PRELID2: variants seen among roughly 807,000 people sequenced by gnomAD.
The protein encoded by PRELID2 is PRELI domain-containing protein 2.
A neutral mutation model predicts 28.4 loss-of-function variants in PRELID2; 25 were observed. The observed-to-expected ratio is 0.88, with a 90% CI of 0.64 to 1.23. The LOEUF (loss-of-function observed/expected upper bound fraction) is 1.23, where lower values mean the gene tolerates loss of function less well. PRELID2 is among the 50% of genes most tolerant of loss of function. The pLI is 0.00. For missense variants in PRELID2, 201 were observed against 214.4 expected (o/e 0.94, Z 0.39); for synonymous variants, 76 against 71.6 (o/e 1.06, Z -0.31).
At chr5:145,489,108 A>T (rs1752246216) in intron 1 of PRELID2, among the ~76,000 whole-genome samples, 1 of 152,188 alleles carries the variant, frequency 6.6e-6, no homozygotes. Flanking sequence ...TGATGGCATC[A>T]TTCCCCCAGA....
the PRELID2 span, among the ~76,000 whole-genome samples, chr5:145,447,085 A>AT: frequency 2.6e-3 from 394 of 151,114 alleles, no homozygotes; most frequent in African/African-American, 7.2e-3. Flanking sequence ...AAATAAATAA[A>AT]AATTTAAAAA....
In PRELID2 at chr5:145,774,813, G is replaced by T. The variant is rs115721864; in HGVS notation, c.475-9813C>A. On this transcript the variant is annotated intron_variant, in intron 5 of 6. Coordinates refer to ENST00000683046, the MANE Select transcript of PRELID2 (RefSeq NM_205846.3). ...AGAACTAATTAGCAAGCAAGCTAAG[G>T]CCTCTATCTACTAGTCTGTGCTGAG... Among the ~76,000 whole-genome samples the T allele has an allele frequency of 7.7e-3, 1,170 of 152,292 alleles. 6 individuals are homozygous for T. The highest frequency in any genetic ancestry group is 0.012 in the Non-Finnish European group (845 of 68,026).
the PRELID2 span, among the ~76,000 whole-genome samples, chr5:145,330,579 T>G: frequency 6.6e-6 from 1 of 152,124 alleles, no homozygotes; most frequent in Non-Finnish European, 1.5e-5. Context: ...TTACAATATT[T>G]TCTGATGGTA....
At chr5:145,380,211 C>T in the PRELID2 span, among the ~76,000 whole-genome samples, 2 of 152,282 alleles carry the variant, frequency 1.3e-5, no homozygotes, top group African/African-American at 2.4e-5. Flanking sequence ...GTGGGTTGCT[C>T]CTTGCCAGTT....
chr5:145,492,063 T>C (rs1274389298), intron 1 of PRELID2, among the ~76,000 whole-genome samples: 2 of 152,204 alleles, frequency 1.3e-5, no homozygotes, highest in African/African-American at 2.4e-5. Context: ...AGTAGTGGAA[T>C]TGCTGGATCT....
the PRELID2 span, among the ~76,000 whole-genome samples, chr5:145,456,685 C>T: frequency 9.9e-3 from 1,510 of 152,162 alleles, 13 homozygotes; most frequent in African/African-American, 0.021. Context: ...TGCTAATAGA[C>T]GCACAGTATT....
intron 1 of PRELID2, among the ~76,000 whole-genome samples, chr5:145,603,872 G>A (rs1054022387): frequency 6.6e-6 from 1 of 151,838 alleles, no homozygotes. Context: ...TAAAAAATTA[G>A]ACAAAGACTA....
the PRELID2 span, among the ~76,000 whole-genome samples, chr5:145,324,743 A>G: frequency 6.6e-6 from 1 of 152,290 alleles, no homozygotes; most frequent in East Asian, 1.9e-4. Flanking sequence ...TTCAATCCCA[A>G]ATCAACCTTG....
chr5:145,484,620 G>A (rs1452844686), intron 1 of PRELID2, among the ~76,000 whole-genome samples: 1 of 152,122 alleles, frequency 6.6e-6, no homozygotes, highest in East Asian at 1.9e-4. Flanking sequence ...GATCTTAAAA[G>A]GCAAGGACAC....
chr5:145,279,934 T>C, the PRELID2 span, among the ~76,000 whole-genome samples: 6 of 152,078 alleles, frequency 3.9e-5, no homozygotes, highest in Non-Finnish European at 7.4e-5. Flanking sequence ...CAAGATCCCA[T>C]CAGAACAGAA....
intron 1 of PRELID2, among the ~76,000 whole-genome samples, chr5:145,571,839 C>T (rs762502581): frequency 7.2e-5 from 11 of 151,922 alleles, no homozygotes; most frequent in South Asian, 4.1e-4. Context: ...AAATTAGCCA[C>T]GCTTGGTGGC....
chr5:145,687,251 T>G (rs1755055352), intron 1 of PRELID2, among the ~76,000 whole-genome samples: 1 of 152,160 alleles, frequency 6.6e-6, no homozygotes, highest in South Asian at 2.1e-4. Context: ...TGGCAGCTTT[T>G]AAGAGAAAAA....
chr5:145,742,197 A>T (rs71592184), intron 1 of PRELID2, among the ~76,000 whole-genome samples: 119,512 of 134,692 alleles, frequency 0.89, 53,101 homozygotes, highest in East Asian at 0.99. Context: ...TATAAATAAT[A>T]ATATATAAAT....
At chr5:145,541,494 T>C (rs1241378956) in intron 1 of PRELID2, among the ~76,000 whole-genome samples, 1 of 152,100 alleles carries the variant, frequency 6.6e-6, no homozygotes, top group Admixed American at 6.6e-5. Flanking sequence ...GTTCATACAC[T>C]GAACCATTAC....
At chr5:145,451,977 C>G in the PRELID2 span, among the ~76,000 whole-genome samples, 1 of 152,156 alleles carries the variant, frequency 6.6e-6, no homozygotes, top group African/African-American at 2.4e-5. Context: ...GGCCCTTGTT[C>G]TTGCTTTTCC....
At chr5:145,717,865 C>G (rs1755884959) in intron 1 of PRELID2, among the ~76,000 whole-genome samples, 1 of 151,786 alleles carries the variant, frequency 6.6e-6, no homozygotes, top group African/African-American at 2.4e-5. Context: ...TAGTGTTTCT[C>G]CTTCTTAGTT....
At chr5:145,324,878 T>C in the PRELID2 span, among the ~76,000 whole-genome samples, 3 of 152,192 alleles carry the variant, frequency 2.0e-5, no homozygotes, top group Non-Finnish European at 4.4e-5. Flanking sequence ...CCAAACTTCA[T>C]AATATAAAGG....
At chr5:145,262,918 A>C in the PRELID2 span, among the ~76,000 whole-genome samples, 1 of 152,270 alleles carries the variant, frequency 6.6e-6, no homozygotes, top group East Asian at 1.9e-4. Flanking sequence ...AAAACCACTA[A>C]CCAAGTATCT....
intron 1 of PRELID2, among the ~76,000 whole-genome samples, chr5:145,598,733 A>G (rs1469154176): frequency 6.6e-6 from 1 of 152,170 alleles, no homozygotes; most frequent in Non-Finnish European, 1.5e-5. Flanking sequence ...CTATGGTCTC[A>G]AAGAGCCACA....
Sources: gnomAD v4.1 joint callset for allele counts (sites outside exome capture counted in the v4.1 genomes callset) on GRCh38, gnomAD v4.1.1 for gene constraint, MANE v1.5 for transcripts, NCBI Gene and HGNC (gene_info 2026-07-23, HGNC 2026-07-21) for gene names.